The following BMPR1B variants were observed in gnomAD, a reference collection of about 807,000 sequenced individuals.
BMPR1B encodes the protein bone morphogenetic protein receptor type-1B.
BMPR1B carries 12 observed loss-of-function variants against 59.1 expected under a neutral mutation model. The ratio of observed to expected loss-of-function variants is 0.20; its 90% CI spans 0.13 to 0.33. The LOEUF (loss-of-function observed/expected upper bound fraction) is 0.33, where lower values mean the gene tolerates loss of function less well. Among genes scored for constraint, BMPR1B ranks in the 10% least tolerant of loss-of-function variants. The pLI is 1.00. For missense variants in BMPR1B, 550 were observed against 610.9 expected (o/e 0.90, Z 1.05); for synonymous variants, 237 against 207.3 (o/e 1.14, Z -1.23).
chr4:95,037,029 G>A (rs1321789750), intron 3 of BMPR1B, among the ~76,000 whole-genome samples: 3 of 152,064 alleles, frequency 2.0e-5, no homozygotes, highest in Non-Finnish European at 4.4e-5. Flanking sequence ...AATGACCTGA[G>A]GTTTTTTCTT....
At chr4:94,798,557 C>G (rs1356109142) in intron 1 of BMPR1B, among the ~76,000 whole-genome samples, 1 of 152,172 alleles carries the variant, frequency 6.6e-6, no homozygotes, top group Non-Finnish European at 1.5e-5. Context: ...TTTCCTTGCT[C>G]CCACGGACGT....
At chr4:95,028,037 A>G (rs1186564696) in intron 3 of BMPR1B, among the ~76,000 whole-genome samples, 3 of 152,170 alleles carry the variant, frequency 2.0e-5, no homozygotes, top group Non-Finnish European at 4.4e-5. Context: ...GAGGTTATAT[A>G]TAGGATGATT....
At chr4:95,031,352 C>T (rs1464725545) in intron 3 of BMPR1B, among the ~76,000 whole-genome samples, 1 of 152,032 alleles carries the variant, frequency 6.6e-6, no homozygotes, top group African/African-American at 2.4e-5. Context: ...TGACTGGACC[C>T]TGAGGTACAT....
At chr4:94,946,728 A>G (rs1729722826) in intron 2 of BMPR1B, among the ~76,000 whole-genome samples, 1 of 152,122 alleles carries the variant, frequency 6.6e-6, no homozygotes, top group Non-Finnish European at 1.5e-5. Flanking sequence ...TTTGGAGGTA[A>G]ACCTTGTAGT....
At chr4:94,786,168 G>A (rs931916496) in intron 1 of BMPR1B, among the ~76,000 whole-genome samples, 1 of 152,164 alleles carries the variant, frequency 6.6e-6, no homozygotes, top group Non-Finnish European at 1.5e-5. Context: ...GGGAAGATGA[G>A]AGGGCATGGA....
chr4:94,810,137 A>C (rs2110636859), intron 1 of BMPR1B, among the ~76,000 whole-genome samples: 1 of 152,298 alleles, frequency 6.6e-6, no homozygotes, highest in East Asian at 1.9e-4. Flanking sequence ...ATCCACTCTC[A>C]AGAAATACAG....
chr4:94,895,859 TAAAAG>T (rs1246299786), intron 2 of BMPR1B, among the ~76,000 whole-genome samples: 1 of 151,916 alleles, frequency 6.6e-6, no homozygotes, highest in African/African-American at 2.4e-5. Context: ...ACACAAGTGA[TAAAAG>T]GAAAGGAAAC....
chr4:95,031,073 A>G (rs1212587748), intron 3 of BMPR1B, among the ~76,000 whole-genome samples: 1 of 152,072 alleles, frequency 6.6e-6, no homozygotes, highest in Admixed American at 6.6e-5. Flanking sequence ...GTCAATCCTA[A>G]GCCAAAAGAA....
intron 2 of BMPR1B, among the ~76,000 whole-genome samples, chr4:94,885,849 C>G (rs1413183588): frequency 1.3e-5 from 2 of 151,974 alleles, no homozygotes; most frequent in African/African-American, 4.8e-5. Context: ...TGGATCTGAC[C>G]AAGCCCTGGT....
chr4:95,069,825 C>A (rs564621292), intron 3 of BMPR1B, among the ~76,000 whole-genome samples: 10 of 152,108 alleles, frequency 6.6e-5, no homozygotes, highest in Non-Finnish European at 1.5e-4. Flanking sequence ...TTTGGCCAGG[C>A]GTGATGGCTC....
chr4:94,939,958 G>C (rs1213691337), intron 2 of BMPR1B, among the ~76,000 whole-genome samples: 1 of 152,102 alleles, frequency 6.6e-6, no homozygotes. Flanking sequence ...TGAATTGTTT[G>C]TTTTGAATCA....
chr4:94,793,746 A>G (rs1723073117), intron 1 of BMPR1B, among the ~76,000 whole-genome samples: 1 of 145,972 alleles, frequency 6.9e-6, no homozygotes, highest in Non-Finnish European at 1.5e-5. Context: ...TGTGGTTTTG[A>G]TTTGCATTTC....
At chr4:94,765,299 A>T (rs181422541) in intron 1 of BMPR1B, among the ~76,000 whole-genome samples, 8 of 152,332 alleles carry the variant, frequency 5.3e-5, no homozygotes, top group Admixed American at 3.9e-4. Flanking sequence ...TGAAAATAAG[A>T]TCATCTGTAT....
intron 3 of BMPR1B, 36 bp from the exon 4 acceptor site, chr4:95,104,372 C>T (rs762144244): frequency 2.7e-5 from 44 of 1,609,238 alleles, no homozygotes; most frequent in Non-Finnish European, 3.6e-5. Flanking sequence ...GTAGTCTACC[C>T]CACAGATGCC....
At chr4:94,944,821 G>C (rs900679437) in intron 2 of BMPR1B, among the ~76,000 whole-genome samples, 21 of 152,242 alleles carry the variant, frequency 1.4e-4, no homozygotes, top group African/African-American at 5.1e-4. Context: ...ATTGACTGGA[G>C]AGATTGAATG....
intron 3 of BMPR1B, among the ~76,000 whole-genome samples, chr4:95,091,276 TTTTTG>T (rs772890522): frequency 1.2e-4 from 17 of 145,090 alleles, no homozygotes; most frequent in East Asian, 4.0e-4. Flanking sequence ...TTTTCTTTTT[TTTTTG>T]TTTTGTTTTG....
At chr4:94,805,449 C>T (rs1723570788) in intron 1 of BMPR1B, among the ~76,000 whole-genome samples, 1 of 152,060 alleles carries the variant, frequency 6.6e-6, no homozygotes, top group Non-Finnish European at 1.5e-5. Flanking sequence ...AAGAAACAGC[C>T]TTGACTTTTC....
intron 10 of BMPR1B, among the ~76,000 whole-genome samples, chr4:95,138,007 G>A (rs570627840): frequency 1.3e-5 from 2 of 152,174 alleles, no homozygotes; most frequent in East Asian, 3.8e-4. Flanking sequence ...AGCATCGATG[G>A]TCTTTACAAT....
At chr4:95,019,379 G>A (rs1197060853) in intron 3 of BMPR1B, among the ~76,000 whole-genome samples, 2 of 152,086 alleles carry the variant, frequency 1.3e-5, no homozygotes, top group Admixed American at 6.6e-5. Flanking sequence ...CAAAATAAAT[G>A]GAACTGCTTT....
Sources: gnomAD v4.1 joint callset for allele counts (sites outside exome capture counted in the v4.1 genomes callset) on GRCh38, gnomAD v4.1.1 for gene constraint, MANE v1.5 for transcripts, NCBI Gene and HGNC (gene_info 2026-07-23, HGNC 2026-07-21) for gene names.